The following ST7 variants were observed in gnomAD, a reference collection of about 807,000 sequenced individuals.
ST7 encodes the protein suppressor of tumorigenicity 7 protein.
ST7 carries 28 observed loss-of-function variants against 78.7 expected under a neutral mutation model. The ratio of observed to expected loss-of-function variants is 0.36; its 90% CI spans 0.26 to 0.49. ST7 has a LOEUF of 0.49. Among genes scored for constraint, ST7 ranks in the 20% least tolerant of loss-of-function variants. The probability of loss-of-function intolerance (pLI) is 0.99; values close to 1 mark genes in which losing one functional copy is unlikely to be tolerated. For missense variants in ST7, 418 were observed against 696.0 expected, an observed-to-expected ratio of 0.60 and a Z score of 4.49; for synonymous variants, 247 against 249.6, an observed-to-expected ratio of 0.99 and a Z score of 0.10.
At chr7:117,212,614 G>A (rs1364225641) in intron 13 of ST7, among the ~76,000 whole-genome samples, 1 of 151,970 alleles carries the variant, frequency 6.6e-6, no homozygotes, top group Non-Finnish European at 1.5e-5. Flanking sequence ...TAAATAACAG[G>A]TATGTATAAA....
In ST7 at chr7:117,219,241, G is replaced by T; in HGVS notation, c.1498+65G>T. The T allele has an allele frequency of 7.6e-7, 1 of 1,310,490 alleles. No individual in the cohort carries two copies. The highest frequency in any genetic ancestry group is 2.1e-5 in the Admixed American group (1 of 48,518). The allele number at this position is 1,310,490 out of a possible 1,614,324, so 81.2% of individuals were successfully genotyped here. Reference sequence around the variant, plus strand: ...GAAAGGTGGGGATTGGAAGAGGTGGGAATATCAAAGTTTAGAATGCTCCTT... The same window carrying T: ...GAAAGGTGGGGATTGGAAGAGGTGGTAATATCAAAGTTTAGAATGCTCCTT... On this transcript the variant is annotated intron_variant, in intron 14 of 15. Transcript: ENST00000323984. The surrounding 1 kb of genome is among the most constrained non-coding windows in gnomAD (Gnocchi z 5.1).
At chr7:116,968,055 C>T (rs1003205000) in intron 1 of ST7, among the ~76,000 whole-genome samples, 3 of 152,150 alleles carry the variant, frequency 2.0e-5, no homozygotes, top group Non-Finnish European at 4.4e-5. Flanking sequence ...TCTTTGTATT[C>T]TGTTACCTGC....
At chr7:117,204,541 A>G (rs1791550621) in intron 12 of ST7, among the ~76,000 whole-genome samples, 1 of 152,174 alleles carries the variant, frequency 6.6e-6, no homozygotes, top group Non-Finnish European at 1.5e-5. Context: ...CCATCACCGC[A>G]TGATCTGAGT....
At chr7:117,182,190 C>G (rs1210014731) in intron 10 of ST7, among the ~76,000 whole-genome samples, 1 of 152,202 alleles carries the variant, frequency 6.6e-6, no homozygotes, top group African/African-American at 2.4e-5. Context: ...CTTAACCATT[C>G]TGTGCTTCAT....
intron 9 of ST7, among the ~76,000 whole-genome samples, chr7:117,155,036 A>G (rs1249708641): frequency 1.3e-5 from 2 of 152,168 alleles, no homozygotes; most frequent in Non-Finnish European, 1.5e-5. Flanking sequence ...TGAATGATAA[A>G]GGCAGTTAAA....
intron 1 of ST7, among the ~76,000 whole-genome samples, chr7:116,976,667 T>C (rs1793721246): frequency 6.6e-6 from 1 of 152,214 alleles, no homozygotes; most frequent in East Asian, 1.9e-4. Context: ...GGCTATATAT[T>C]CTGTATATTC....
At chr7:117,090,183 C>CA (rs1475015414) in intron 1 of ST7, among the ~76,000 whole-genome samples, 5 of 151,954 alleles carry the variant, frequency 3.3e-5, no homozygotes, top group African/African-American at 1.2e-4. Flanking sequence ...GTGTAGTAGT[C>CA]ATTGAGTCTT....
intron 10 of ST7, among the ~76,000 whole-genome samples, chr7:117,186,764 C>A (rs1471523303): frequency 1.3e-5 from 2 of 152,162 alleles, no homozygotes; most frequent in African/African-American, 4.8e-5. Context: ...CTTTCCACCG[C>A]ATAATTTAAT....
At chr7:117,168,790 A>C (rs1170938945) in intron 9 of ST7, among the ~76,000 whole-genome samples, 1 of 152,244 alleles carries the variant, frequency 6.6e-6, no homozygotes, top group Admixed American at 6.5e-5. Flanking sequence ...TTAAAAAACA[A>C]AACAATATGG....
At chr7:117,027,871 C>T (rs1387691643) in intron 1 of ST7, among the ~76,000 whole-genome samples, 2 of 152,104 alleles carry the variant, frequency 1.3e-5, no homozygotes, top group Non-Finnish European at 2.9e-5. Context: ...TAGCAGGGTA[C>T]CTAGCATATA....
chr7:117,043,443 A>G (rs185665109), intron 1 of ST7, among the ~76,000 whole-genome samples: 1 of 152,336 alleles, frequency 6.6e-6, no homozygotes, highest in East Asian at 1.9e-4. Flanking sequence ...TGCTATTTGA[A>G]GAAGTCATGT....
intron 1 of ST7, among the ~76,000 whole-genome samples, chr7:116,962,039 GGTTTTCT>G (rs1792863203): frequency 6.6e-6 from 1 of 151,522 alleles, no homozygotes; most frequent in Non-Finnish European, 1.5e-5. Context: ...TGCAGTGTTT[GGTTTTCT>G]GTTCCTGTGT....
intron 3 of ST7, among the ~76,000 whole-genome samples, chr7:117,125,722 T>G (rs1179427818): frequency 6.6e-6 from 1 of 152,096 alleles, no homozygotes; most frequent in East Asian, 1.9e-4. Context: ...AATGAAACTT[T>G]AGCTAGCACC....
chr7:117,142,753 A>G (rs1000172773), intron 9 of ST7, among the ~76,000 whole-genome samples: 9 of 152,124 alleles, frequency 5.9e-5, no homozygotes. Context: ...CTGGGACTAC[A>G]GGCGCATGCC....
intron 1 of ST7, among the ~76,000 whole-genome samples, chr7:117,033,705 T>C (rs1190431771): frequency 6.6e-6 from 1 of 152,184 alleles, no homozygotes; most frequent in African/African-American, 2.4e-5. Flanking sequence ...ATTACAGGCG[T>C]GAGCCAGCAC....
At chr7:117,029,814 CTG>C (rs1796384857) in intron 1 of ST7, among the ~76,000 whole-genome samples, 1 of 151,312 alleles carries the variant, frequency 6.6e-6, no homozygotes, top group Admixed American at 6.6e-5. Flanking sequence ...CTTGAAAAGA[CTG>C]TCATTTCTCC....
intron 9 of ST7, among the ~76,000 whole-genome samples, chr7:117,147,112 CTG>C (rs1805856636): frequency 6.6e-6 from 1 of 152,050 alleles, no homozygotes; most frequent in Non-Finnish European, 1.5e-5. Context: ...TTACTCAACA[CTG>C]TTTTTCAATC....
intron 1 of ST7, chr7:117,098,720 T>C: frequency 2.4e-6 from 3 of 1,242,186 alleles, no homozygotes; most frequent in Non-Finnish European, 3.2e-6. Flanking sequence ...TTCCCTCTAA[T>C]GACATCAAAG....
chr7:117,111,191 A>C (rs1802402568), intron 2 of ST7, among the ~76,000 whole-genome samples: 1 of 152,212 alleles, frequency 6.6e-6, no homozygotes, highest in Non-Finnish European at 1.5e-5. Context: ...AGGGAGAGGC[A>C]GCATTGAGGT....
Sources: gnomAD v4.1 joint callset for allele counts (sites outside exome capture counted in the v4.1 genomes callset) on GRCh38, gnomAD v4.1.1 for gene constraint, Gnocchi (gnomAD v3.1) non-coding constraint, MANE v1.5 for transcripts, NCBI Gene and HGNC (gene_info 2026-07-23, HGNC 2026-07-21) for gene names.